RHBDD1: variants seen among roughly 807,000 people sequenced by gnomAD.
The protein encoded by RHBDD1 is rhomboid domain containing 1, also known as rhomboid-related protein 4.
A neutral mutation model predicts 36.3 loss-of-function variants in RHBDD1; 38 were observed. The ratio of observed to expected loss-of-function variants is 1.05; its 90% CI spans 0.81 to 1.37. The LOEUF (loss-of-function observed/expected upper bound fraction) is 1.37. Ranked by LOEUF, RHBDD1 falls within the 40% of genes most tolerant of loss-of-function variation. The probability of loss-of-function intolerance (pLI) is 0.00; values close to 1 mark genes in which losing one functional copy is unlikely to be tolerated. For synonymous variants in RHBDD1, 151 were observed against 136.5 expected (o/e 1.11, Z -0.74); for missense variants, 393 against 377.6 (o/e 1.04, Z -0.34).
chr2:226,803,524 G>A, the RHBDD1 span, among the ~76,000 whole-genome samples: 2 of 152,072 alleles, frequency 1.3e-5, no homozygotes, highest in African/African-American at 4.8e-5. Context: ...GCACTAGGCT[G>A]GACACTGAGG....
intron 7 of RHBDD1, among the ~76,000 whole-genome samples, chr2:226,909,761 G>A (rs970278616): frequency 6.6e-6 from 1 of 152,078 alleles, no homozygotes; most frequent in African/African-American, 2.4e-5. Context: ...CACTGGCATC[G>A]CAAGCTTCCA....
intron 8 of RHBDD1, among the ~76,000 whole-genome samples, chr2:226,959,368 C>A (rs1952015190): frequency 1.3e-5 from 2 of 152,172 alleles, no homozygotes; most frequent in African/African-American, 4.8e-5. Context: ...ATTAACATAG[C>A]CATCACACCC....
chr2:226,913,601 CTTGTT>C (rs1315617804), intron 7 of RHBDD1, among the ~76,000 whole-genome samples: 3 of 152,056 alleles, frequency 2.0e-5, no homozygotes, highest in African/African-American at 7.2e-5. Context: ...TCTCTTCTCT[CTTGTT>C]TTATCTAGCA....
the RHBDD1 span, among the ~76,000 whole-genome samples, chr2:226,828,905 C>G: frequency 6.6e-6 from 1 of 151,936 alleles, no homozygotes; most frequent in Non-Finnish European, 1.5e-5. Flanking sequence ...TTTTGAGGTC[C>G]AATTTATCAA....
chr2:226,828,353 G>C, the RHBDD1 span, among the ~76,000 whole-genome samples: 4 of 151,916 alleles, frequency 2.6e-5, no homozygotes, highest in African/African-American at 7.3e-5. Context: ...TTACAGTTTT[G>C]CCTATTATGA....
intron 3 of RHBDD1, among the ~76,000 whole-genome samples, chr2:226,861,042 A>T (rs948310123): frequency 6.6e-6 from 1 of 152,190 alleles, no homozygotes; most frequent in African/African-American, 2.4e-5. Flanking sequence ...ACATGAGTGA[A>T]AGAAGGAATG....
intron 8 of RHBDD1, among the ~76,000 whole-genome samples, chr2:226,959,200 A>G (rs940948644): frequency 6.6e-6 from 1 of 152,156 alleles, no homozygotes; most frequent in African/African-American, 2.4e-5. Flanking sequence ...TTCTTTTTGT[A>G]AGGATCAAGT....
chr2:226,954,603 C>A (rs1253106916), intron 8 of RHBDD1, among the ~76,000 whole-genome samples: 1 of 151,662 alleles, frequency 6.6e-6, no homozygotes, highest in African/African-American at 2.4e-5. Context: ...CCCCACCAAC[C>A]AAAAATAAAG....
intron 5 of RHBDD1, among the ~76,000 whole-genome samples, chr2:226,904,516 CTGTG>C (rs144391701): frequency 6.6e-6 from 1 of 151,094 alleles, no homozygotes; most frequent in East Asian, 2.0e-4. Flanking sequence ...GTGTGCGTGT[CTGTG>C]TGTGTGTGCA....
At chr2:226,967,251 A>G (rs1049265989) in intron 8 of RHBDD1, among the ~76,000 whole-genome samples, 5 of 152,162 alleles carry the variant, frequency 3.3e-5, no homozygotes, top group African/African-American at 1.2e-4. Context: ...AAATCTTCCT[A>G]GCTTTTTTCC....
At position 226,914,286 on chromosome 2, in the gene RHBDD1, A is replaced by G; in HGVS notation, c.791A>G (p.Tyr264Cys). 1.2e-6 allele frequency: 2 copies of G among 1,613,876 alleles called. No homozygotes were observed. Among genetic ancestry groups the G allele is most frequent in the Non-Finnish European group, 1.7e-6 (2 of 1,179,830 alleles). ...GAAGCACCCAGGAACTATGACACGT[A>G]CACAGCAGGACTGAGTGAAGAAGAA... Reference protein sequence around the residue: ...YEEAPRNYDTYTAGLSEEEQL... With the variant: ...YEEAPRNYDTCTAGLSEEEQL... The change falls in exon 8 of 9, where the codon TAC becomes TGC. Residue 264 changes from tyrosine to cysteine, a missense_variant. Physicochemically the swap from Tyr to Cys is radical, Grantham distance 194 (BLOSUM62 -2). Transcript: ENST00000392062.
intron 5 of RHBDD1, among the ~76,000 whole-genome samples, chr2:226,900,831 A>C (rs1414189443): frequency 6.6e-6 from 1 of 152,182 alleles, no homozygotes; most frequent in Non-Finnish European, 1.5e-5. Context: ...GACCAAGCTA[A>C]TTAATATATC....
intron 5 of RHBDD1, among the ~76,000 whole-genome samples, chr2:226,904,645 A>C (rs1947895574): frequency 1.3e-5 from 2 of 152,198 alleles, no homozygotes; most frequent in South Asian, 4.1e-4. Context: ...TTCTCTTTAC[A>C]AGGCTCCTGT....
At chr2:226,860,067 A>G (rs1323802848) in intron 3 of RHBDD1, among the ~76,000 whole-genome samples, 6 of 152,234 alleles carry the variant, frequency 3.9e-5, no homozygotes, top group Non-Finnish European at 7.3e-5. Context: ...TGGGGGTAGC[A>G]GGGTGATAAG....
chr2:226,809,866 A>C, the RHBDD1 span, among the ~76,000 whole-genome samples: 4 of 152,224 alleles, frequency 2.6e-5, no homozygotes. Context: ...GACAAATATC[A>C]ATACCAACAC....
rs1286039880 is a variant in RHBDD1, at chr2:226,997,016, A to AATTTGGAGCAC, written c.*1498_*1508dup. Reference sequence around the variant, plus strand: ...AATTTTTCCGTTGATACATTCAGCAAATTTGGAGCACATTGACCATGGAGT... The same window carrying AATTTGGAGCAC: ...AATTTTTCCGTTGATACATTCAGCAAATTTGGAGCACATTTGGAGCACATTGACCATGGAGT... On this transcript the variant is annotated 3_prime_UTR_variant, in exon 9 of 9. Coordinates refer to ENST00000392062, the MANE Select transcript of RHBDD1 (RefSeq NM_001167608.3). 4.6e-5 allele frequency: 7 copies of AATTTGGAGCAC among 152,316 alleles called. No homozygotes were observed. Among genetic ancestry groups the AATTTGGAGCAC allele is most frequent in the African/African-American group, 1.7e-4 (7 of 41,566 alleles). The allele number at this position is 152,316 out of a possible 1,614,324, so 9.4% of individuals were successfully genotyped here. A position where few individuals can be genotyped will look rare whatever the true frequency, so the allele number is the denominator to read the frequency against.
chr2:226,926,432 C>T (rs948640663), intron 8 of RHBDD1, among the ~76,000 whole-genome samples: 3 of 152,018 alleles, frequency 2.0e-5, no homozygotes, highest in Non-Finnish European at 2.9e-5. Flanking sequence ...AAAACCATAC[C>T]GTGCCCTTTT....
intron 3 of RHBDD1, among the ~76,000 whole-genome samples, chr2:226,856,094 A>G (rs1201461187): frequency 1.3e-5 from 2 of 152,216 alleles, no homozygotes; most frequent in African/African-American, 4.8e-5. Context: ...CTCCCTGTTT[A>G]CTAATCAACT....
At chr2:226,808,796 A>G in the RHBDD1 span, among the ~76,000 whole-genome samples, 1 of 152,234 alleles carries the variant, frequency 6.6e-6, no homozygotes, top group Non-Finnish European at 1.5e-5. Flanking sequence ...CCTATTGATC[A>G]AAGTAGACAT....
Sources: allele counts gnomAD v4.1 joint callset (sites outside exome capture counted in the v4.1 genomes callset), GRCh38; gene constraint gnomAD v4.1.1; transcripts MANE v1.5; gene names NCBI Gene and HGNC (gene_info 2026-07-23, HGNC 2026-07-21).